Variants in HEG1 observed in about 807,000 individuals in gnomAD.
The protein encoded by HEG1 is heart development protein with EGF like domains 1, also known as protein HEG homolog 1.
In HEG1, 56 loss-of-function variants were observed where a neutral mutation model predicts 125.6. That is an observed-to-expected ratio of 0.45 (90% CI 0.36 to 0.56). The LOEUF (loss-of-function observed/expected upper bound fraction) is 0.56, where lower values mean the gene tolerates loss of function less well. HEG1 is among the 20% of genes least tolerant of loss of function. The pLI is 0.00. For missense variants in HEG1, 1,523 were observed against 1,670.0 expected, an observed-to-expected ratio of 0.91 and a Z score of 1.53; for synonymous variants, 644 against 668.5, an observed-to-expected ratio of 0.96 and a Z score of 0.57.
At chr3:124,994,319 A>C (rs1481155440) in intron 12 of HEG1, among the ~76,000 whole-genome samples, 2 of 152,162 alleles carry the variant, frequency 1.3e-5, no homozygotes, top group Non-Finnish European at 2.9e-5. Flanking sequence ...CCCGGTTCCT[A>C]ACAGACCACA....
At chr3:125,050,505 C>A (rs543191918) in intron 1 of HEG1, among the ~76,000 whole-genome samples, 1 of 152,218 alleles carries the variant, frequency 6.6e-6, no homozygotes. Context: ...TCAACTCCCC[C>A]CTTTCCCACT....
intron 5 of HEG1, among the ~76,000 whole-genome samples, chr3:125,017,645 A>G (rs1937271225): frequency 6.6e-6 from 1 of 152,164 alleles, no homozygotes; most frequent in East Asian, 1.9e-4. Flanking sequence ...TGATGCAGCC[A>G]CTTTGGAAAA....
chr3:125,013,654 A>C lies in HEG1; in HGVS notation c.1925T>G (p.Met642Arg). Residue 642 changes from methionine to arginine, a missense_variant, in exon 6 of 17, where the codon ATG becomes AGG. By Grantham distance (91) the Met-to-Arg change is moderately conservative (BLOSUM62 -1). Coordinates refer to ENST00000311127, the MANE Select transcript of HEG1 (RefSeq NM_020733.2). ...NLPSYTPTIN[M>R]PNTSVVLDTD... is the part of the protein sequence containing the mutation. ...GTCCAGAACAACCGAAGTGTTCGGC[A>C]TATTAATGGTGGGTGTGTAGGACGG... 6.2e-7 allele frequency: 1 copy of C among 1,613,184 alleles called. No homozygotes were observed.
At chr3:124,982,610 A>G (rs978251966) in intron 14 of HEG1, among the ~76,000 whole-genome samples, 2 of 152,186 alleles carry the variant, frequency 1.3e-5, no homozygotes, top group African/African-American at 4.8e-5. Flanking sequence ...CACAGTTAGC[A>G]TCTTTCATCA....
At chr3:125,027,607 A>G (rs1937437418) in intron 2 of HEG1, 100 bp from the exon 3 acceptor site, 1 of 949,874 alleles carries the variant, frequency 1.1e-6, no homozygotes, top group African/African-American at 1.7e-5. Flanking sequence ...AAATATACAG[A>G]CATAAGAAGA....
At chr3:124,984,083 A>G (rs1004081526) in intron 14 of HEG1, among the ~76,000 whole-genome samples, 17 of 152,252 alleles carry the variant, frequency 1.1e-4, no homozygotes, top group Non-Finnish European at 1.9e-4. Flanking sequence ...ACCAACACAC[A>G]GCATTTCCAT....
Position 125,012,809 on chromosome 3 carries a change from C to A in HEG1, c.2770G>T (p.Ala924Ser). Residue 924 changes from alanine (A) to serine (S), a missense_variant, in exon 6 of 17, where the codon GCA (alanine) becomes TCA (serine). Coordinates refer to ENST00000311127, the MANE Select transcript of HEG1 (RefSeq NM_020733.2). ...LIPLTSVPTSAKEMTTKLGVT... is the reference protein window; with the variant it reads ...LIPLTSVPTSSKEMTTKLGVT... ...CCAAGCTTTGTGGTCATTTCTTTTG[C>A]TGATGTGGGTACACTGGTCAAAGGG... 6.2e-7 allele frequency: 1 copy of A among 1,613,990 alleles called. No homozygotes were observed. The highest frequency in any genetic ancestry group is 8.5e-7 in the Non-Finnish European group (1 of 1,179,878).
intron 11 of HEG1, among the ~76,000 whole-genome samples, chr3:124,999,022 C>T (rs559965193): frequency 1.0e-3 from 156 of 152,286 alleles, no homozygotes; most frequent in Non-Finnish European, 1.6e-3. Context: ...GCCAGGTACC[C>T]CTTTTAATGC....
chr3:125,034,121 C>G (rs149084583), intron 1 of HEG1, among the ~76,000 whole-genome samples: 2 of 152,252 alleles, frequency 1.3e-5, no homozygotes, highest in African/African-American at 4.8e-5. Flanking sequence ...CCTCCAGGTA[C>G]CTGTATTGTG....
At chr3:125,004,011 G>A (rs1937036448) in intron 9 of HEG1, among the ~76,000 whole-genome samples, 1 of 152,198 alleles carries the variant, frequency 6.6e-6, no homozygotes, top group South Asian at 2.1e-4. Flanking sequence ...AGTAGTGATG[G>A]TGGTTTAGTG....
chr3:124,991,812 A>G (rs1936838212), intron 12 of HEG1, among the ~76,000 whole-genome samples: 1 of 152,102 alleles, frequency 6.6e-6, no homozygotes, highest in Non-Finnish European at 1.5e-5. Context: ...AGGTTTCACC[A>G]TGTTGGCCAG....
At chr3:125,054,986 G>C (rs982435539) in intron 1 of HEG1, among the ~76,000 whole-genome samples, 14 of 152,174 alleles carry the variant, frequency 9.2e-5, no homozygotes, top group Non-Finnish European at 4.4e-5. Flanking sequence ...GAAAGGGGAG[G>C]GAGGAGGCTC....
chr3:124,996,854 C>T (rs1264310708), intron 12 of HEG1, among the ~76,000 whole-genome samples: 2 of 152,150 alleles, frequency 1.3e-5, no homozygotes, highest in African/African-American at 2.4e-5. Context: ...GCCTTTATAT[C>T]GTTAGTTTTT....
At chr3:125,042,503 G>A (rs72980443) in intron 1 of HEG1, among the ~76,000 whole-genome samples, 14,638 of 152,258 alleles carry the variant, frequency 0.096, 1,620 homozygotes, top group African/African-American at 0.27. Flanking sequence ...AGGGTTACAC[G>A]GATGAATCAG....
chr3:125,027,092 G>C (rs1033297439), intron 3 of HEG1, 113 bp downstream of exon 3: 3 of 999,782 alleles, frequency 3.0e-6, no homozygotes, highest in Admixed American at 3.0e-5. Context: ...ATTTTGGCTT[G>C]ATGTCTTTTC....
At chr3:125,029,535 C>A (rs758976599) in intron 1 of HEG1, 47 bp from the exon 2 acceptor site, 1 of 1,538,984 alleles carries the variant, frequency 6.5e-7, no homozygotes, top group South Asian at 1.2e-5. Flanking sequence ...TGGCTTCTGA[C>A]AAGAAAAGTA....
chr3:124,970,695 G>GGGTTATAC lies in HEG1; in HGVS notation c.4095_4102dup (p.Pro1368ArgfsTer28). ...TCTGCTTTCATCACTGATGAAAGAC[G>GGGTTATAC]GGTTATACTGTCCGGGGAAAATGCA... is the stretch of plus-strand genomic sequence containing the variant. On this transcript the variant is annotated frameshift_variant, in exon 17 of 17. Transcript: ENST00000311127. LOFTEE classifies it high-confidence loss of function. The GGGTTATAC allele has an allele frequency of 6.2e-7, 1 of 1,607,932 alleles. No homozygotes were observed. The highest frequency in any genetic ancestry group is 8.5e-7 in the Non-Finnish European group (1 of 1,177,202).
At chr3:125,034,434 A>C (rs1053956818) in intron 1 of HEG1, among the ~76,000 whole-genome samples, 2 of 39,356 alleles carry the variant, frequency 5.1e-5, no homozygotes, top group African/African-American at 1.5e-4. Flanking sequence ...TTCTAGAAAT[A>C]AAAAAAGTAA....
At chr3:125,014,017 TCAAATAAAA>T in intron 5 of HEG1, 27 bp from the exon 6 acceptor site, 1 of 1,556,406 alleles carries the variant, frequency 6.4e-7, no homozygotes, top group Non-Finnish European at 8.6e-7. Flanking sequence ...CAAAGTTAGG[TCAAATAAAA>T]GAACAACAAA....
Sources: gnomAD v4.1 joint callset for allele counts (sites outside exome capture counted in the v4.1 genomes callset) on GRCh38, gnomAD v4.1.1 for gene constraint, MANE v1.5 for transcripts, NCBI Gene and HGNC (gene_info 2026-07-23, HGNC 2026-07-21) for gene names.